The following SDK1 variants were observed in gnomAD, a reference collection of about 807,000 sequenced individuals.
The protein encoded by SDK1 is protein sidekick-1.
A neutral mutation model predicts 245.5 loss-of-function variants in SDK1; 157 were observed. The ratio of observed to expected loss-of-function variants is 0.64; its 90% CI spans 0.56 to 0.73. The LOEUF (loss-of-function observed/expected upper bound fraction) is 0.73, where lower values mean the gene tolerates loss of function less well. SDK1 is among the 30% of genes least tolerant of loss of function. The pLI is 0.00. For missense variants in SDK1, 3,583 were observed against 3,002.3 expected (o/e 1.19, Z -4.52); for synonymous variants, 1,647 against 1,278.5 (o/e 1.29, Z -6.15).
At chr7:3,793,540 C>G (rs538306526) in intron 4 of SDK1, among the ~76,000 whole-genome samples, 1 of 152,238 alleles carries the variant, frequency 6.6e-6, no homozygotes, top group East Asian at 1.9e-4. Context: ...TTTAAGTGGA[C>G]CCGTGATCCT....
At chr7:4,238,128 G>C (rs1017628990) in intron 42 of SDK1, among the ~76,000 whole-genome samples, 2 of 151,674 alleles carry the variant, frequency 1.3e-5, no homozygotes, top group Non-Finnish European at 2.9e-5. Context: ...CACCCAGGTT[G>C]GAGTGCACTG....
At chr7:3,454,388 T>TTGTGTGTGTGTGTG (rs60437983) in intron 1 of SDK1, among the ~76,000 whole-genome samples, 19,668 of 141,478 alleles carry the variant, frequency 0.14, 1,760 homozygotes, top group South Asian at 0.21. Context: ...TCCCCAAGAT[T>TTGTGTGTGTGTGTG]TGTGTGTGTG....
chr7:3,444,891 G>A (rs1780300551), intron 1 of SDK1, among the ~76,000 whole-genome samples: 1 of 152,178 alleles, frequency 6.6e-6, no homozygotes, highest in African/African-American at 2.4e-5. Flanking sequence ...AAACAAAAAT[G>A]TAAGGTCTAT....
At chr7:3,653,115 G>C (rs922241942) in intron 4 of SDK1, among the ~76,000 whole-genome samples, 6 of 152,184 alleles carry the variant, frequency 3.9e-5, no homozygotes, top group African/African-American at 1.4e-4. Context: ...CTTGTGTGGG[G>C]TGAGCTTGAA....
intron 15 of SDK1, among the ~76,000 whole-genome samples, chr7:4,011,669 G>C (rs1172808866): frequency 1.3e-5 from 2 of 152,234 alleles, no homozygotes. Flanking sequence ...CAGTGGGCTT[G>C]ACTTGTAGAA....
At chr7:3,422,177 C>T (rs768258050) in intron 1 of SDK1, among the ~76,000 whole-genome samples, 2 of 152,120 alleles carry the variant, frequency 1.3e-5, no homozygotes, top group Non-Finnish European at 2.9e-5. Context: ...TTGTTACCTT[C>T]AAGTGGAATG....
At chr7:4,119,005 A>G (rs1783899256) in intron 25 of SDK1, among the ~76,000 whole-genome samples, 1 of 148,800 alleles carries the variant, frequency 6.7e-6, no homozygotes, top group Non-Finnish European at 1.5e-5. Context: ...AAAGTTCATC[A>G]TGATGATGGT....
intron 5 of SDK1, among the ~76,000 whole-genome samples, chr7:3,864,978 C>T (rs1028575717): frequency 6.6e-6 from 1 of 152,162 alleles, no homozygotes; most frequent in Non-Finnish European, 1.5e-5. Context: ...GCTCTCTGAC[C>T]ACTGGTCTCT....
chr7:4,085,954 A>G (rs1033067935), intron 22 of SDK1, among the ~76,000 whole-genome samples: 1 of 152,242 alleles, frequency 6.6e-6, no homozygotes, highest in African/African-American at 2.4e-5. Flanking sequence ...AAAAAGTGAC[A>G]TTCACAGAAG....
At chr7:3,541,116 A>G (rs906253623) in intron 1 of SDK1, among the ~76,000 whole-genome samples, 3 of 152,242 alleles carry the variant, frequency 2.0e-5, no homozygotes. Flanking sequence ...TGGGTGATAC[A>G]TGCATTCTGA....
chr7:3,405,102 A>G (rs1248072958), intron 1 of SDK1, among the ~76,000 whole-genome samples: 1 of 151,976 alleles, frequency 6.6e-6, no homozygotes, highest in African/African-American at 2.4e-5. Flanking sequence ...TCTTATTTTT[A>G]AAGAGGATCT....
rs1324362909 is a variant in SDK1, at chr7:4,026,102, C to T, written c.2602+8750C>T. On this transcript the variant is annotated intron_variant, in intron 17 of 44. Transcript: ENST00000404826. This position sits in a 1 kb window ranked among gnomAD's most constrained non-coding sequence, Gnocchi z 4.1. ...GCACCCTGGACACGCCAGGCCGCAG[C>T]GCTGGTCTTCCACAGTCCCCATGCT... Among the ~76,000 whole-genome samples the T allele has an allele frequency of 1.3e-5, 2 of 152,250 alleles. No homozygotes were observed. Among genetic ancestry groups the T allele is most frequent in the East Asian group, 1.9e-4 (1 of 5,194 alleles).
intron 28 of SDK1, among the ~76,000 whole-genome samples, chr7:4,138,401 C>G (rs1779236405): frequency 6.6e-6 from 1 of 152,118 alleles, no homozygotes; most frequent in Non-Finnish European, 1.5e-5. Flanking sequence ...ATGAAAAACT[C>G]ATACTGAGTG....
rs143372853 is a variant in SDK1 at position 4,062,158 on chromosome 7, A to G, written c.2912-5680A>G. Among the ~76,000 whole-genome samples the G allele has an allele frequency of 9.4e-3, 1,426 of 152,264 alleles. 26 individuals carry two copies. The highest frequency in any genetic ancestry group is 0.032 in the African/African-American group (1,323 of 41,550). ...AATAATAATAATAAAAACAATACAA[A>G]TGGTTAAACAAAACTCAGTTTTAGG... On this transcript the variant is annotated intron_variant, in intron 19 of 44. Transcript: ENST00000404826.
chr7:3,330,890 T>C (rs4380820), intron 1 of SDK1, among the ~76,000 whole-genome samples: 57,963 of 150,450 alleles, frequency 0.39, 11,313 homozygotes, highest in African/African-American at 0.45. Context: ...GAGGATTGCT[T>C]GAGTCCAGGA....
intron 1 of SDK1, among the ~76,000 whole-genome samples, chr7:3,540,745 A>G (rs1779031453): frequency 6.6e-6 from 1 of 152,192 alleles, no homozygotes; most frequent in South Asian, 2.1e-4. Context: ...TTGTTTCCAT[A>G]AGGCTCTGGC....
At chr7:3,584,360 C>G (rs1046823518) in intron 1 of SDK1, among the ~76,000 whole-genome samples, 1 of 152,058 alleles carries the variant, frequency 6.6e-6, no homozygotes, top group Non-Finnish European at 1.5e-5. Context: ...CACGTGAAAC[C>G]CCATCCCTTC....
At position 3,509,085 on chromosome 7, in the gene SDK1, CGT is replaced by C. The variant is rs142827941; in HGVS notation, c.299-109982_299-109981del. 1.3e-3 allele frequency among the ~76,000 whole-genome samples: 189 copies of C among 149,376 alleles called. 2 individuals are homozygous for C. Among genetic ancestry groups the C allele is most frequent in the African/African-American group, 4.2e-3 (169 of 40,278 alleles). ...AAGGTGGGGTGTGTGTGTGTGTGTG[CGT>C]GTGTGTGTGTGTATGTATGTACATG... is the stretch of plus-strand genomic sequence containing the variant. On this transcript the variant is annotated intron_variant, in intron 1 of 44. Transcript: ENST00000404826.
intron 5 of SDK1, among the ~76,000 whole-genome samples, chr7:3,932,882 C>G (rs1474436011): frequency 2.0e-5 from 3 of 152,122 alleles, no homozygotes; most frequent in African/African-American, 7.2e-5. Context: ...TCTGTCTCAC[C>G]TGTGTGTTCA....
Sources: gnomAD v4.1 joint callset for allele counts (sites outside exome capture counted in the v4.1 genomes callset) on GRCh38, gnomAD v4.1.1 for gene constraint, Gnocchi (gnomAD v3.1) non-coding constraint, MANE v1.5 for transcripts, NCBI Gene and HGNC (gene_info 2026-07-23, HGNC 2026-07-21) for gene names.